SYNJ2: variants seen among roughly 807,000 people sequenced by gnomAD.
SYNJ2 encodes the protein polyphosphatidylinositol phosphatase SYNJ2.
SYNJ2 carries 116 observed loss-of-function variants against 141.3 expected under a neutral mutation model. The ratio of observed to expected loss-of-function variants is 0.82; its 90% CI spans 0.71 to 0.96. SYNJ2 has a LOEUF of 0.96. Among genes scored for constraint, SYNJ2 ranks in the 40% least tolerant of loss-of-function variants. SYNJ2 has a pLI of 0.00. For missense variants in SYNJ2, 1,873 were observed against 1,934.8 expected (o/e 0.97, Z 0.60); for synonymous variants, 745 against 777.7 (o/e 0.96, Z 0.70).
rs531633531 is a variant in SYNJ2, at chr6:158,086,976, A to AC, written c.3338dup (p.Pro1114SerfsTer48). The AC allele has an allele frequency of 7.2e-4, 539 of 751,838 alleles. No homozygotes were observed. Among genetic ancestry groups the AC allele is most frequent in the East Asian group, 1.7e-3 (33 of 19,762 alleles). 46.6% of individuals were successfully genotyped at this position (751,838 alleles called of 1,614,324 possible). ...CTCGGCCACCTCAACCCCCGCAGAG[A>AC]CCCCCCCCTCCAAGTAAGACTCTGC... On this transcript the variant is annotated frameshift_variant, in exon 23 of 27. Coordinates refer to ENST00000355585, the MANE Select transcript of SYNJ2 (RefSeq NM_003898.4). LOFTEE classifies it high-confidence loss of function.
Position 158,017,878 on chromosome 6 carries a change from C to T in SYNJ2, c.214+588C>T, listed in dbSNP as rs111970138. The T allele has an allele frequency of 4.2e-3, 1,915 of 461,398 alleles. 38 individuals are homozygous for T. The highest frequency in any genetic ancestry group is 0.035 in the African/African-American group (1,737 of 49,294). The allele number at this position is 461,398 out of a possible 1,614,324, so 28.6% of individuals were successfully genotyped here. On this transcript the variant is annotated intron_variant, in intron 2 of 26. Transcript: ENST00000355585. ...ACCCCCACCCTGTGCCAGAGAAGCTCGTCTTCATTGCTTGCCGGCGAGGGC... is the reference window on the plus strand; with the variant it reads ...ACCCCCACCCTGTGCCAGAGAAGCTTGTCTTCATTGCTTGCCGGCGAGGGC...
intron 2 of SYNJ2, among the ~76,000 whole-genome samples, chr6:158,024,310 G>A (rs948705518): frequency 4.6e-5 from 7 of 152,002 alleles, no homozygotes; most frequent in Admixed American, 2.6e-4. Context: ...CTGTAATCCC[G>A]GCTACTCAAG....
At chr6:158,018,022 A>G (rs920818898) in intron 2 of SYNJ2, among the ~76,000 whole-genome samples, 4 of 150,026 alleles carry the variant, frequency 2.7e-5, no homozygotes, top group African/African-American at 9.8e-5. Context: ...CCGGGGGCAC[A>G]GGGGTGGGCT....
intron 1 of SYNJ2, among the ~76,000 whole-genome samples, chr6:158,009,476 G>T (rs901947164): frequency 4.6e-5 from 7 of 152,236 alleles, no homozygotes; most frequent in Admixed American, 4.6e-4. Context: ...AAGGCACGAA[G>T]ATGTGTCCAC....
chr6:157,999,252 G>T (rs1777746232), intron 1 of SYNJ2, among the ~76,000 whole-genome samples: 1 of 152,200 alleles, frequency 6.6e-6, no homozygotes, highest in African/African-American at 2.4e-5. Context: ...GGTGGGTGAG[G>T]GCTGCTTGCC....
chr6:158,053,460 T>C (rs1463764565), intron 5 of SYNJ2, among the ~76,000 whole-genome samples: 2 of 152,180 alleles, frequency 1.3e-5, no homozygotes, highest in African/African-American at 4.8e-5. Context: ...CCAAATTTAT[T>C]ACTTGGTATT....
In SYNJ2 at chr6:158,066,576, C is replaced by T. The variant is rs567190284; in HGVS notation, c.1658C>T (p.Ala553Val). The change falls in exon 12 of 27, where the codon GCG becomes GTG. Residue 553 changes from alanine to valine, a missense_variant. Physicochemically the swap from Ala to Val is moderately conservative, Grantham distance 64 (BLOSUM62 0). Transcript: ENST00000355585. ...TTCCGGAGCAACGTGCTCAGGACGG[C>T]GGAGCTGACAGACTGGCTGCTCGAC... is the stretch of plus-strand genomic sequence containing the variant. The part of the protein sequence containing the change: ...KQFRSNVLRT[A>V]ELTDWLLDSP... 1.6e-5 allele frequency: 26 copies of T among 1,614,080 alleles called. No individual in the cohort carries two copies. Among genetic ancestry groups the T allele is most frequent in the African/African-American group, 2.7e-5 (2 of 75,020 alleles).
chr6:158,011,920 C>T (rs1000412958), intron 1 of SYNJ2, among the ~76,000 whole-genome samples: 1 of 152,102 alleles, frequency 6.6e-6, no homozygotes. Flanking sequence ...TTTTTGGTGT[C>T]GGAATTATTT....
intron 1 of SYNJ2, among the ~76,000 whole-genome samples, chr6:157,987,828 G>A (rs1398660876): frequency 2.0e-5 from 3 of 152,266 alleles, no homozygotes; most frequent in Non-Finnish European, 4.4e-5. Flanking sequence ...CGTGTGGCCA[G>A]CAGCAGAAAT....
chr6:158,063,162 A>G (rs1349090961), intron 8 of SYNJ2, among the ~76,000 whole-genome samples: 2 of 152,168 alleles, frequency 1.3e-5, no homozygotes, highest in African/African-American at 4.8e-5. Flanking sequence ...CCTAGGAGCG[A>G]TGGTTCTGTG....
chr6:158,092,574 A>C (rs1783532353), intron 25 of SYNJ2, among the ~76,000 whole-genome samples: 1 of 152,146 alleles, frequency 6.6e-6, no homozygotes, highest in African/African-American at 2.4e-5. Flanking sequence ...CAGGAGTTCC[A>C]GCAACATAGT....
At chr6:158,005,109 G>C (rs1285662866) in intron 1 of SYNJ2, among the ~76,000 whole-genome samples, 2 of 137,044 alleles carry the variant, frequency 1.5e-5, no homozygotes, top group Non-Finnish European at 3.1e-5. Context: ...AGACAGTCTT[G>C]CTCTGTCGCC....
chr6:157,981,856 G>C (rs1364563440), upstream of SYNJ2: 6 of 1,041,654 alleles, frequency 5.8e-6, no homozygotes, highest in Admixed American at 2.6e-4. The surrounding 1 kb of genome is among the most constrained non-coding windows in gnomAD (Gnocchi z 6.4). Flanking sequence ...GAGCGGCGGC[G>C]CAAAGTGAAA....
At chr6:158,019,211 G>A (rs1243091128) in intron 2 of SYNJ2, among the ~76,000 whole-genome samples, 3 of 152,196 alleles carry the variant, frequency 2.0e-5, no homozygotes, top group Non-Finnish European at 2.9e-5. Context: ...CATCCGACAG[G>A]GACTGGGATT....
At chr6:158,041,071 A>C (rs774121845) in intron 4 of SYNJ2, among the ~76,000 whole-genome samples, 4 of 152,174 alleles carry the variant, frequency 2.6e-5, no homozygotes, top group Admixed American at 6.5e-5. Flanking sequence ...TGCTGGGACT[A>C]TGCCCCCCTC....
rs769489379 is a variant in SYNJ2 at position 158,070,187 on chromosome 6, G to A, written c.1940+514G>A. The stretch of plus-strand genomic sequence containing the variant: ...TCTTGGGGTGTGGGTGTGGGTGTTT[G>A]GATGCTGGAGGAACTCATCTTTTCC... On this transcript the variant is annotated intron_variant, in intron 14 of 26. Coordinates refer to ENST00000355585, the MANE Select transcript of SYNJ2 (RefSeq NM_003898.4). This position sits in a 1 kb window ranked among gnomAD's most constrained non-coding sequence, Gnocchi z 4.0. 859 of 985,510 alleles carry A rather than the reference G, an allele frequency of 8.7e-4. No individual in the cohort carries two copies. Among genetic ancestry groups the A allele is most frequent in the Non-Finnish European group, 1.0e-3 (829 of 830,010 alleles). 61.0% of individuals were successfully genotyped at this position (985,510 alleles called of 1,614,324 possible). A position where few individuals can be genotyped will look rare whatever the true frequency, so the allele number is the denominator to read the frequency against.
chr6:158,004,906 G>A (rs1332515486), intron 1 of SYNJ2, among the ~76,000 whole-genome samples: 2 of 146,714 alleles, frequency 1.4e-5, no homozygotes, highest in Non-Finnish European at 3.1e-5. Flanking sequence ...TGGCCACGTC[G>A]TTGATCCTTC....
chr6:158,063,877 G>C lies in SYNJ2; in HGVS notation c.1209+5G>C, dbSNP rs375042467. On this transcript the variant is annotated splice_donor_5th_base_variant and intron_variant, in intron 9 of 26. Coordinates refer to ENST00000355585, the MANE Select transcript of SYNJ2 (RefSeq NM_003898.4). ...CAGAGCTTCATCGCGCTCGAGGTGC[G>C]TCCCTGCCACAGCCTTTTCGGCCAT... The C allele has an allele frequency of 6.2e-7, 1 of 1,613,084 alleles. No individual in the cohort carries two copies. The highest frequency in any genetic ancestry group is 8.5e-7 in the Non-Finnish European group (1 of 1,179,526).
At chr6:158,078,134 G>A (rs761419610) in intron 17 of SYNJ2, 30 bp from the exon 18 acceptor site, 1 of 1,391,974 alleles carries the variant, frequency 7.2e-7, no homozygotes. Context: ...GATTCTATAT[G>A]GGTCTCTCGA....
Sources: gnomAD v4.1 joint callset for allele counts (sites outside exome capture counted in the v4.1 genomes callset) on GRCh38, gnomAD v4.1.1 for gene constraint, Gnocchi (gnomAD v3.1) non-coding constraint, MANE v1.5 for transcripts, NCBI Gene and HGNC (gene_info 2026-07-23, HGNC 2026-07-21) for gene names.